P2RY8: variants seen among roughly 807,000 people sequenced by gnomAD.
P2RY8 encodes P2Y receptor family member 8.
Under a neutral mutation model 10.0 loss-of-function variants are expected in P2RY8, and 6 were observed. The ratio of observed to expected loss-of-function variants is 0.60; its 90% CI spans 0.33 to 1.19. The LOEUF is 1.19. P2RY8 is among the 50% of genes most tolerant of loss of function. The pLI, the probability that P2RY8 is intolerant of heterozygous loss-of-function variation, is 0.04. For missense variants in P2RY8, 456 were observed against 542.0 expected (o/e 0.84, Z 1.58); for synonymous variants, 276 against 252.5 (o/e 1.09, Z -0.88).
At chrX:1,505,657 GC>G (rs1282928380) in intron 1 of P2RY8, among the ~76,000 whole-genome samples, 23 of 152,122 alleles carry the variant, frequency 1.5e-4, no homozygotes, top group Non-Finnish European at 2.5e-4. Flanking sequence ...GGGTGTGGTG[GC>G]GGGCGCCTGT....
chrX:1,530,276 T>C (rs190087830), intron 1 of P2RY8, among the ~76,000 whole-genome samples: 22 of 130,270 alleles, frequency 1.7e-4, no homozygotes, highest in Middle Eastern at 8.1e-3. Context: ...CCATTATCTA[T>C]CTATCTATCT....
intron 1 of P2RY8, among the ~76,000 whole-genome samples, chrX:1,534,353 G>A (rs2092508961): frequency 1.3e-5 from 2 of 151,066 alleles, no homozygotes; most frequent in Admixed American, 1.3e-4. Context: ...TCACTAGGGA[G>A]CGACATTGTG....
intron 1 of P2RY8, among the ~76,000 whole-genome samples, chrX:1,522,994 G>A (rs1472468704): frequency 4.1e-5 from 6 of 146,344 alleles, no homozygotes; most frequent in Non-Finnish European, 7.5e-5. Flanking sequence ...ACTTGAACCC[G>A]GGAGGCAGAG....
At chrX:1,467,508 C>G (rs1333665478) in intron 1 of P2RY8, among the ~76,000 whole-genome samples, 1 of 152,230 alleles carries the variant, frequency 6.6e-6, no homozygotes, top group East Asian at 1.9e-4. Flanking sequence ...GAAAAGCAGA[C>G]CCTTCCTTCT....
chrX:1,526,427 A>G (rs751575333), intron 1 of P2RY8, among the ~76,000 whole-genome samples: 4 of 151,972 alleles, frequency 2.6e-5, no homozygotes, highest in Non-Finnish European at 5.9e-5. Context: ...CCATTCATTC[A>G]TTCATTCATT....
intron 1 of P2RY8, among the ~76,000 whole-genome samples, chrX:1,468,190 G>A (rs1242641728): frequency 3.9e-5 from 6 of 151,970 alleles, no homozygotes; most frequent in East Asian, 1.9e-4. Context: ...CTCCTGCCTC[G>A]GCCTCCCAAA....
chrX:1,527,052 C>G (rs1251523578), intron 1 of P2RY8, among the ~76,000 whole-genome samples: 1 of 152,118 alleles, frequency 6.6e-6, no homozygotes, highest in African/African-American at 2.4e-5. Flanking sequence ...CACTACCACG[C>G]CTGGCTAATT....
chrX:1,531,556 T>A (rs2092475754), intron 1 of P2RY8, among the ~76,000 whole-genome samples: 1 of 151,910 alleles, frequency 6.6e-6, no homozygotes, highest in Non-Finnish European at 1.5e-5. Flanking sequence ...TTCCACCAAC[T>A]CATCATCCGA....
intron 1 of P2RY8, among the ~76,000 whole-genome samples, chrX:1,496,305 C>T (rs1458014716): frequency 1.3e-5 from 2 of 152,190 alleles, no homozygotes; most frequent in Non-Finnish European, 2.9e-5. Flanking sequence ...CCCCCGCCAG[C>T]TTCTCAGTAG....
chrX:1,500,020 A>C (rs189960082), intron 1 of P2RY8, among the ~76,000 whole-genome samples: 3 of 88,960 alleles, frequency 3.4e-5, no homozygotes, highest in Admixed American at 1.5e-4. Context: ...CACCATGCCC[A>C]GCTAATTTTT....
intron 1 of P2RY8, among the ~76,000 whole-genome samples, chrX:1,478,249 A>ATGTG (rs745819761): frequency 0.013 from 1,947 of 148,444 alleles, 15 homozygotes; most frequent in African/African-American, 0.018. Flanking sequence ...TGGCAGGCGT[A>ATGTG]TGTGTGTGTG....
At chrX:1,496,150 G>A (rs1382005312) in intron 1 of P2RY8, among the ~76,000 whole-genome samples, 1 of 152,196 alleles carries the variant, frequency 6.6e-6, no homozygotes, top group Non-Finnish European at 1.5e-5. Flanking sequence ...GCAGACGTCA[G>A]AGATGCTGCC....
chrX:1,506,601 C>T (rs1213360872), intron 1 of P2RY8, among the ~76,000 whole-genome samples: 2 of 152,022 alleles, frequency 1.3e-5, no homozygotes, highest in Middle Eastern at 3.4e-3. Flanking sequence ...AGAATCTTGA[C>T]GACATCACCA....
At chrX:1,530,782 G>A (rs1343325911) in intron 1 of P2RY8, among the ~76,000 whole-genome samples, 1 of 149,254 alleles carries the variant, frequency 6.7e-6, no homozygotes, top group African/African-American at 2.4e-5. Flanking sequence ...ATTTACGTAT[G>A]TATCTTTTCT....
intron 1 of P2RY8, among the ~76,000 whole-genome samples, chrX:1,523,020 G>A (rs1428354508): frequency 6.6e-6 from 1 of 150,804 alleles, no homozygotes; most frequent in Non-Finnish European, 1.5e-5. Context: ...AGAAAGCCGA[G>A]ATTGCACTAC....
At chrX:1,484,570 C>CAA (rs1188004421) in intron 1 of P2RY8, among the ~76,000 whole-genome samples, 5 of 150,474 alleles carry the variant, frequency 3.3e-5, no homozygotes, top group African/African-American at 1.2e-4. Flanking sequence ...ACTAAAAATA[C>CAA]AAAAAAAATT....
rs759044253 is a variant in P2RY8, at chrX:1,464,109, C to A, written c.*1370G>T. On this transcript the variant is annotated 3_prime_UTR_variant, in exon 2 of 2. Transcript: ENST00000381297. Reference sequence around the variant, plus strand: ...CCCCAGTGCACAGAAAGGGAGGGGCCGGGCATCCAAGGCCACCCACTGCGG... The same window carrying A: ...CCCCAGTGCACAGAAAGGGAGGGGCAGGGCATCCAAGGCCACCCACTGCGG... 4.3e-6 allele frequency: 1 copy of A among 233,208 alleles called. No homozygotes were observed. Among genetic ancestry groups the A allele is most frequent in the African/African-American group, 2.2e-5 (1 of 45,342 alleles). 14.4% of individuals were successfully genotyped at this position (233,208 alleles called of 1,614,324 possible).
intron 1 of P2RY8, among the ~76,000 whole-genome samples, chrX:1,510,202 C>T (rs1424936478): frequency 2.6e-5 from 4 of 152,088 alleles, no homozygotes; most frequent in Non-Finnish European, 4.4e-5. Flanking sequence ...TCTATTCATC[C>T]GTCTACCTCA....
At chrX:1,476,202 A>G (rs1292279221) in intron 1 of P2RY8, among the ~76,000 whole-genome samples, 5 of 152,156 alleles carry the variant, frequency 3.3e-5, no homozygotes, top group Admixed American at 1.3e-4. Flanking sequence ...CAAGTTGTTC[A>G]GGATTTTACA....
Sources: gnomAD v4.1 joint callset for allele counts (sites outside exome capture counted in the v4.1 genomes callset) on GRCh38, gnomAD v4.1.1 for gene constraint, MANE v1.5 for transcripts, NCBI Gene and HGNC (gene_info 2026-07-23, HGNC 2026-07-21) for gene names.